KLF12: variants seen among roughly 807,000 people sequenced by gnomAD.
KLF12 encodes the protein KLF transcription factor 12.
Under a neutral mutation model 37.8 loss-of-function variants are expected in KLF12, and 9 were observed. That is an observed-to-expected ratio of 0.24 (90% CI 0.14 to 0.42). KLF12 has a LOEUF of 0.42. Among genes scored for constraint, KLF12 ranks in the 10% least tolerant of loss-of-function variants. The pLI is 1.00. For missense variants in KLF12, 411 were observed against 516.0 expected (o/e 0.80, Z 1.97); for synonymous variants, 208 against 202.1 (o/e 1.03, Z -0.25).
chr13:73,965,755 CA>C (rs1438796068), intron 2 of KLF12, among the ~76,000 whole-genome samples: 1 of 152,166 alleles, frequency 6.6e-6, no homozygotes, highest in Non-Finnish European at 1.5e-5. Flanking sequence ...CCACTCTCAC[CA>C]AAAGGCATAA....
At chr13:74,149,574 C>T in the KLF12 span, among the ~76,000 whole-genome samples, 5 of 152,130 alleles carry the variant, frequency 3.3e-5, no homozygotes, top group Admixed American at 2.0e-4. Context: ...TAGATTATTG[C>T]GGACACCTCA....
intron 7 of KLF12, among the ~76,000 whole-genome samples, chr13:73,704,452 C>T (rs1318532236): frequency 6.6e-6 from 1 of 152,148 alleles, no homozygotes; most frequent in Non-Finnish European, 1.5e-5. Context: ...CTGTGTGACT[C>T]CCTGCCTGCC....
chr13:74,134,227 T>C (rs1268794398), upstream of KLF12, among the ~76,000 whole-genome samples: 7 of 150,636 alleles, frequency 4.6e-5, no homozygotes, highest in Non-Finnish European at 8.9e-5. Flanking sequence ...ACAAAAGAGC[T>C]CCGGGTCCTC....
chr13:74,032,221 G>A (rs1893133573), intron 1 of KLF12, among the ~76,000 whole-genome samples: 1 of 152,106 alleles, frequency 6.6e-6, no homozygotes, highest in Non-Finnish European at 1.5e-5. Context: ...TTGATCATAG[G>A]ACTCTCCTTA....
At chr13:73,992,234 T>A (rs556333301) in intron 2 of KLF12, among the ~76,000 whole-genome samples, 1 of 152,316 alleles carries the variant, frequency 6.6e-6, no homozygotes, top group Non-Finnish European at 1.5e-5. Flanking sequence ...CAAGCCACCA[T>A]ATTCACAGAG....
chr13:73,815,460 A>G (rs1481837957), intron 4 of KLF12, among the ~76,000 whole-genome samples: 3 of 152,226 alleles, frequency 2.0e-5, no homozygotes, highest in Non-Finnish European at 4.4e-5. Context: ...GGATCCAGGA[A>G]TGACTTTGTG....
intron 1 of KLF12, among the ~76,000 whole-genome samples, chr13:74,131,809 A>G (rs1302861823): frequency 6.6e-6 from 1 of 152,184 alleles, no homozygotes; most frequent in Non-Finnish European, 1.5e-5. Context: ...TTCCCAGTAC[A>G]TTTCATAATA....
At position 73,904,469 on chromosome 13, in the gene KLF12, CTTTTT is replaced by C. The variant is rs11342071; in HGVS notation, c.123+39507_123+39511del. On this transcript the variant is annotated intron_variant, in intron 3 of 7. Coordinates refer to ENST00000377669, the MANE Select transcript of KLF12 (RefSeq NM_007249.5). ...CAGTTTCTCATGTTTTCTTTCTTTC[CTTTTT>C]TTTTTTTTTTTTTTTTTTACTAATT... 3.9e-3 allele frequency among the ~76,000 whole-genome samples: 355 copies of C among 91,998 alleles called. 1 individual carries two copies. The highest frequency in any genetic ancestry group is 0.015 in the African/African-American group (341 of 22,174). The allele number at this position is 91,998 out of a possible 152,430, so 60.4% of individuals were successfully genotyped here.
chr13:73,751,842 G>T (rs1878780813), intron 6 of KLF12, among the ~76,000 whole-genome samples: 1 of 152,128 alleles, frequency 6.6e-6, no homozygotes, highest in African/African-American at 2.4e-5. Flanking sequence ...CTGGGGGTAA[G>T]TGGCATCATT....
chr13:74,094,699 A>G (rs976058189), intron 1 of KLF12, among the ~76,000 whole-genome samples: 2 of 151,602 alleles, frequency 1.3e-5, no homozygotes, highest in Non-Finnish European at 2.9e-5. Flanking sequence ...TTCCAGGTCC[A>G]AGTGATTCTC....
the KLF12 span, among the ~76,000 whole-genome samples, chr13:74,299,012 G>A: frequency 6.6e-6 from 1 of 152,170 alleles, no homozygotes; most frequent in African/African-American, 2.4e-5. Flanking sequence ...CAATGCAATG[G>A]GTAAGTAGGA....
chr13:74,263,423 A>C, the KLF12 span, among the ~76,000 whole-genome samples: 1 of 152,244 alleles, frequency 6.6e-6, no homozygotes, highest in African/African-American at 2.4e-5. Flanking sequence ...CCCCAGTAGA[A>C]GAGCATATAG....
the KLF12 span, among the ~76,000 whole-genome samples, chr13:74,215,427 CTTTTT>C: frequency 8.3e-5 from 5 of 60,384 alleles, no homozygotes; most frequent in African/African-American, 1.2e-4. Context: ...CCTCTGGGTT[CTTTTT>C]TTTTTTTTTT....
At chr13:74,085,090 G>A (rs943827824) in intron 1 of KLF12, among the ~76,000 whole-genome samples, 1 of 152,098 alleles carries the variant, frequency 6.6e-6, no homozygotes, top group Non-Finnish European at 1.5e-5. Flanking sequence ...AAAGAAGAAT[G>A]AGACAGTCCT....
chr13:73,944,355 TG>T (rs1188663847), intron 2 of KLF12, among the ~76,000 whole-genome samples: 1 of 152,168 alleles, frequency 6.6e-6, no homozygotes, highest in East Asian at 1.9e-4. Flanking sequence ...TTAATTTATA[TG>T]GGGCTGCAAC....
At chr13:73,904,958 A>C (rs1296837282) in intron 3 of KLF12, among the ~76,000 whole-genome samples, 3 of 31,898 alleles carry the variant, frequency 9.4e-5, no homozygotes, top group African/African-American at 2.4e-4. Flanking sequence ...TATCCTAAGC[A>C]AAAAAAAAAA....
chr13:74,221,382 T>C, the KLF12 span, among the ~76,000 whole-genome samples: 1 of 152,192 alleles, frequency 6.6e-6, no homozygotes, highest in Non-Finnish European at 1.5e-5. Context: ...TTTTGTTATC[T>C]GGTCTATGTA....
At chr13:73,847,303 G>A (rs1885083530) in intron 3 of KLF12, among the ~76,000 whole-genome samples, 1 of 152,022 alleles carries the variant, frequency 6.6e-6, no homozygotes, top group Admixed American at 6.6e-5. Context: ...GTTTGGCCAG[G>A]TTAACATAGA....
At position 73,846,016 on chromosome 13, in the gene KLF12, A is replaced by T. The variant is rs1367308651; in HGVS notation, c.481T>A (p.Leu161Met). ...GGCGGTACGGGATGGATAATGTGCA[A>T]AAACTGCTGGCCTCCAACACCAGAT... Residue 161 changes from leucine to methionine, a missense_variant, in exon 4 of 8, where the codon TTG becomes ATG. Physicochemically the swap from Leu to Met is conservative, Grantham distance 15. Around this residue, in one of 2 missense-constraint regions of KLF12, gnomAD observed 351 missense variants for 397.8 expected, o/e 0.88. Transcript: ENST00000377669. The T allele has an allele frequency of 1.2e-6, 2 of 1,614,040 alleles. No individual in the cohort carries two copies. The highest frequency in any genetic ancestry group is 1.7e-6 in the Non-Finnish European group (2 of 1,180,036).
Sources: allele counts gnomAD v4.1 joint callset (sites outside exome capture counted in the v4.1 genomes callset), GRCh38; gene constraint gnomAD v4.1.1; regional missense constraint gnomAD v4.1.1; transcripts MANE v1.5; gene names NCBI Gene and HGNC (gene_info 2026-07-23, HGNC 2026-07-21).